Variants in MRPS5 observed in about 807,000 individuals in gnomAD.
MRPS5 encodes the protein mitochondrial ribosomal protein S5.
MRPS5 carries 27 observed loss-of-function variants against 51.9 expected under a neutral mutation model. The ratio of observed to expected loss-of-function variants is 0.52; its 90% CI spans 0.38 to 0.72. The LOEUF is 0.72. MRPS5 is among the 30% of genes least tolerant of loss of function. The probability of loss-of-function intolerance (pLI) is 0.00; values close to 1 mark genes in which losing one functional copy is unlikely to be tolerated. For missense variants in MRPS5, 570 were observed against 545.7 expected (o/e 1.04, Z -0.44); for synonymous variants, 196 against 193.2 (o/e 1.01, Z -0.12).
intron 2 of MRPS5, 57 bp downstream of exon 2, chr2:95,117,808 G>A (rs1394748714): frequency 7.2e-7 from 1 of 1,397,074 alleles, no homozygotes; most frequent in African/African-American, 1.5e-5. Context: ...TAAAACTACA[G>A]AAACTACTTT....
chr2:95,115,992 C>T (rs1474472743), intron 2 of MRPS5, among the ~76,000 whole-genome samples: 2 of 151,762 alleles, frequency 1.3e-5, no homozygotes, highest in African/African-American at 4.8e-5. Flanking sequence ...CTGCAACCTC[C>T]ACCTCCCAGG....
intron 10 of MRPS5, among the ~76,000 whole-genome samples, chr2:95,097,879 G>A (rs1181227247): frequency 1.3e-5 from 2 of 152,024 alleles, no homozygotes; most frequent in Non-Finnish European, 2.9e-5. Context: ...GCTTCTGCAT[G>A]GCAAAAGAAA....
chr2:95,089,263 T>C (rs1675388648), intron 11 of MRPS5, among the ~76,000 whole-genome samples: 1 of 152,214 alleles, frequency 6.6e-6, no homozygotes, highest in Admixed American at 6.5e-5. Flanking sequence ...GCCTTCTTTT[T>C]CTTTTAATTT....
chr2:95,094,889 T>G (rs1195732293), intron 10 of MRPS5, among the ~76,000 whole-genome samples: 1 of 152,174 alleles, frequency 6.6e-6, no homozygotes. Flanking sequence ...AATATTAACC[T>G]TAAATGTAAA....
In MRPS5 at chr2:95,117,906, G is replaced by A. The variant is rs769180455; in HGVS notation, c.98C>T (p.Pro33Leu). ...LGRQCSLNTLPAASILAWKSV... is the reference protein window; with the variant it reads ...LGRQCSLNTLLAASILAWKSV... ...CTTCCATGCCAAAATGGAAGCTGCTGGTAAGGTGTTTAGGGAACACTGCCT... is the reference window on the plus strand; with the variant it reads ...CTTCCATGCCAAAATGGAAGCTGCTAGTAAGGTGTTTAGGGAACACTGCCT... Residue 33 changes from proline to leucine, a missense_variant, in exon 2 of 12, where the codon CCA (proline) becomes CTA (leucine). Pro to Leu is a moderately conservative substitution (Grantham distance 98). Coordinates refer to ENST00000272418, the MANE Select transcript of MRPS5 (RefSeq NM_031902.5). 3.1e-6 allele frequency: 5 copies of A among 1,608,326 alleles called. No homozygotes were observed. The highest frequency in any genetic ancestry group is 4.2e-6 in the Non-Finnish European group (5 of 1,178,820).
chr2:95,108,988 A>G (rs993291135), intron 4 of MRPS5, among the ~76,000 whole-genome samples: 19 of 152,112 alleles, frequency 1.2e-4, no homozygotes, highest in Admixed American at 6.5e-5. Flanking sequence ...ATAAATACCT[A>G]AAATTTAATA....
intron 3 of MRPS5, 141 bp downstream of exon 3, chr2:95,114,925 A>G: frequency 1.3e-6 from 1 of 769,186 alleles, no homozygotes; most frequent in Non-Finnish European, 1.9e-6. Flanking sequence ...TAGGATGTAC[A>G]TCAAGGAACA....
At chr2:95,117,114 C>G (rs1416891196) in intron 2 of MRPS5, among the ~76,000 whole-genome samples, 1 of 150,990 alleles carries the variant, frequency 6.6e-6, no homozygotes, top group East Asian at 1.9e-4. Context: ...GCTCTCCAGC[C>G]TGGGCAACAG....
chr2:95,116,333 T>G (rs1373707498), intron 2 of MRPS5, among the ~76,000 whole-genome samples: 2 of 151,940 alleles, frequency 1.3e-5, no homozygotes, highest in Non-Finnish European at 2.9e-5. Flanking sequence ...AGCACTGCAA[T>G]CTCTGATATA....
chr2:95,087,157 T>A lies in MRPS5; in HGVS notation c.*200A>T. On this transcript the variant is annotated 3_prime_UTR_variant, in exon 12 of 12. Coordinates refer to ENST00000272418, the MANE Select transcript of MRPS5 (RefSeq NM_031902.5). ...TATTTAAAGTAGTCTTGAACTGAGATATGTATGTAAAGGTTCTATCACATT... is the reference window on the plus strand; with the variant it reads ...TATTTAAAGTAGTCTTGAACTGAGAAATGTATGTAAAGGTTCTATCACATT... The A allele has an allele frequency of 2.0e-6, 1 of 509,486 alleles. No individual in the cohort carries two copies. The highest frequency in any genetic ancestry group is 3.4e-6 in the Non-Finnish European group (1 of 290,672). The allele number at this position is 509,486 out of a possible 1,614,324, so 31.6% of individuals were successfully genotyped here.
At position 95,117,930 on chromosome 2, in the gene MRPS5, C is replaced by G; in HGVS notation, c.74G>C (p.Arg25Thr). ...CSGTAGHLLG[R>T]QCSLNTLPAA... Reference sequence around the variant, plus strand: ...TGGTAAGGTGTTTAGGGAACACTGCCTCCCCAATAAATGACCTGCAAATTG... The same window carrying G: ...TGGTAAGGTGTTTAGGGAACACTGCGTCCCCAATAAATGACCTGCAAATTG... Residue 25 changes from arginine (R) to threonine (T), a missense_variant, in exon 2 of 12, where the codon AGG becomes ACG. Transcript: ENST00000272418. The G allele has an allele frequency of 6.2e-7, 1 of 1,600,548 alleles. No individual in the cohort carries two copies. Among genetic ancestry groups the G allele is most frequent in the Admixed American group, 1.8e-5 (1 of 55,544 alleles).
In MRPS5 at chr2:95,108,485, G is replaced by A. The variant is rs561505320; in HGVS notation, c.404-77C>T. The A allele has an allele frequency of 4.3e-6, 5 of 1,169,824 alleles. No homozygotes were observed. The African/African-American group carries it at 7.7e-5, about 18-fold the overall frequency. The allele number at this position is 1,169,824 out of a possible 1,614,324, so 72.5% of individuals were successfully genotyped here. On this transcript the variant is annotated intron_variant, in intron 4 of 11. Transcript: ENST00000272418. Reference sequence around the variant, plus strand: ...AGTGTTAAAATGTCAGGCAATGCATGTACAGATAATGATGACACACTGTTC... The same window carrying A: ...AGTGTTAAAATGTCAGGCAATGCATATACAGATAATGATGACACACTGTTC...
At chr2:95,104,522 GT>G in intron 7 of MRPS5, 117 bp downstream of exon 7, 1 of 1,034,984 alleles carries the variant, frequency 9.7e-7, no homozygotes, top group Non-Finnish European at 1.5e-6. Flanking sequence ...CCACTAAAAG[GT>G]TTAATCAATG....
At chr2:95,114,924 C>T (rs758541811) in intron 3 of MRPS5, 142 bp downstream of exon 3, 1 of 752,966 alleles carries the variant, frequency 1.3e-6, no homozygotes, top group African/African-American at 1.8e-5. Context: ...CTAGGATGTA[C>T]ATCAAGGAAC....
chr2:95,102,969 A>G (rs1675846732), intron 7 of MRPS5, among the ~76,000 whole-genome samples: 1 of 152,256 alleles, frequency 6.6e-6, no homozygotes, highest in Non-Finnish European at 1.5e-5. Context: ...ACCTGGGACA[A>G]AAGAGGATGT....
In MRPS5 at chr2:95,086,494, C is replaced by A. The variant is rs1195607054; in HGVS notation, c.*863G>T. ...AACAATAGAAATTACCTAAACTGAG[C>A]AACACAGAGAAAACAGACTGGAAAA... On this transcript the variant is annotated 3_prime_UTR_variant, in exon 12 of 12. Coordinates refer to ENST00000272418, the MANE Select transcript of MRPS5 (RefSeq NM_031902.5). Among the ~76,000 whole-genome samples, 1 of 151,994 alleles carries A rather than the reference C, an allele frequency of 6.6e-6. No homozygotes were observed. Among genetic ancestry groups the A allele is most frequent in the Non-Finnish European group, 1.5e-5 (1 of 68,008 alleles).
At chr2:95,121,425 C>T (rs948402882) in intron 1 of MRPS5, among the ~76,000 whole-genome samples, 53 of 152,100 alleles carry the variant, frequency 3.5e-4, no homozygotes, top group African/African-American at 1.3e-3. Flanking sequence ...TCGCACGCGC[C>T]CCAAAGGCGA....
At chr2:95,105,351 T>C (rs3112231) in intron 6 of MRPS5, among the ~76,000 whole-genome samples, 120,868 of 152,140 alleles carry the variant, frequency 0.79, 48,343 homozygotes, top group African/African-American at 0.87. Flanking sequence ...AGATCCGAGA[T>C]CATCCTGGCT....
rs370602866 is a variant in MRPS5 at position 95,106,463 on chromosome 2, G to A, written c.638-6C>T. 6.3e-7 allele frequency: 1 copy of A among 1,597,852 alleles called. No homozygotes were observed. The highest frequency in any genetic ancestry group is 8.6e-7 in the Non-Finnish European group (1 of 1,168,598). The stretch of plus-strand genomic sequence containing the variant: ...ATCAAAATCCTCATATGTTTCTGTA[G>A]GGAGAAAAGAAACAGGGATACAGAT... On this transcript the variant is annotated splice_region_variant and splice_polypyrimidine_tract_variant and intron_variant, in intron 5 of 11. Coordinates refer to ENST00000272418, the MANE Select transcript of MRPS5 (RefSeq NM_031902.5).
Sources: allele counts gnomAD v4.1 joint callset (sites outside exome capture counted in the v4.1 genomes callset), GRCh38; gene constraint gnomAD v4.1.1; transcripts MANE v1.5; gene names NCBI Gene and HGNC (gene_info 2026-07-23, HGNC 2026-07-21).